The following ZNF600 variants were observed in gnomAD, a reference collection of about 807,000 sequenced individuals.
ZNF600 encodes zinc finger protein KR-ZNF1.
Under a neutral mutation model 7.3 loss-of-function variants are expected in ZNF600, and 4 were observed. That is an observed-to-expected ratio of 0.55 (90% CI 0.27 to 1.25). The LOEUF is 1.25. Among genes scored for constraint, ZNF600 ranks in the 50% most tolerant of loss-of-function variants. ZNF600 has a pLI of 0.12. For missense variants in ZNF600, 911 were observed against 922.1 expected (o/e 0.99, Z 0.16); for synonymous variants, 290 against 308.9 (o/e 0.94, Z 0.64).
chr19:52,787,728 T>C (rs983091892), upstream of ZNF600, among the ~76,000 whole-genome samples: 10 of 149,514 alleles, frequency 6.7e-5, no homozygotes, highest in South Asian at 2.1e-4. Flanking sequence ...AGCGTGGTGG[T>C]GGGTGCCTGT....
At chr19:52,808,078 C>G in the ZNF600 span, 16 of 1,613,508 alleles carry the variant, frequency 9.9e-6, no homozygotes, top group South Asian at 1.8e-4. Context: ...AGGGTCCAGG[C>G]ATTTCCACTC....
At chr19:52,825,051 C>T in the ZNF600 span, among the ~76,000 whole-genome samples, 2 of 152,026 alleles carry the variant, frequency 1.3e-5, no homozygotes, top group Non-Finnish European at 2.9e-5. Flanking sequence ...GCACATGGTG[C>T]TCTCTCATGT....
At chr19:52,765,125 CTA>C (rs1453222170) in exon 4 of ZNF600, 3 of 402,942 alleles carry the variant, frequency 7.4e-6, no homozygotes, top group Non-Finnish European at 1.5e-5. Flanking sequence ...TGGACTGACT[CTA>C]GTGTCAATTA....
chr19:52,793,134 G>A, the ZNF600 span, among the ~76,000 whole-genome samples: 3 of 152,026 alleles, frequency 2.0e-5, no homozygotes, highest in Non-Finnish European at 2.9e-5. Flanking sequence ...TGTAATGTAC[G>A]CCTTGATGGT....
At chr19:52,786,902 G>A (rs1424712940), upstream of ZNF600, 1 of 176,200 alleles carries the variant, frequency 5.7e-6, no homozygotes, top group Non-Finnish European at 1.3e-5. Flanking sequence ...GGCGGGACCT[G>A]TGCTTCTCAG....
the ZNF600 span, among the ~76,000 whole-genome samples, chr19:52,796,647 T>C: frequency 6.6e-6 from 1 of 152,174 alleles, no homozygotes; most frequent in Admixed American, 6.5e-5. Flanking sequence ...TTGTATTTTT[T>C]GTGGAGACAG....
At chr19:52,789,813 T>G (rs992122130), upstream of ZNF600, among the ~76,000 whole-genome samples, 4 of 152,186 alleles carry the variant, frequency 2.6e-5, no homozygotes, top group African/African-American at 9.7e-5. Flanking sequence ...CAGCCTTTGT[T>G]TGAGCAACAT....
the ZNF600 span, among the ~76,000 whole-genome samples, chr19:52,819,156 C>G: frequency 7.2e-6 from 1 of 138,484 alleles, no homozygotes; most frequent in African/African-American, 2.8e-5. Context: ...CAGAGGGAGT[C>G]AGATGAGGGT....
the ZNF600 span, among the ~76,000 whole-genome samples, chr19:52,803,233 T>C: frequency 4.6e-5 from 7 of 152,062 alleles, no homozygotes; most frequent in Non-Finnish European, 1.0e-4. Context: ...CATGCCACTG[T>C]GCCCGGCTAA....
At chr19:52,811,502 G>A in the ZNF600 span, among the ~76,000 whole-genome samples, 21 of 149,116 alleles carry the variant, frequency 1.4e-4, no homozygotes, top group African/African-American at 4.8e-4. Context: ...TCTCTGCCCG[G>A]CCGCCCATCG....
At chr19:52,773,526 C>G (rs1233508857) in intron 3 of ZNF600, among the ~76,000 whole-genome samples, 1 of 151,880 alleles carries the variant, frequency 6.6e-6, no homozygotes, top group Non-Finnish European at 1.5e-5. Flanking sequence ...ATGTAGGAGA[C>G]CATGGGGTTG....
the ZNF600 span, among the ~76,000 whole-genome samples, chr19:52,819,114 T>C: frequency 7.2e-6 from 1 of 139,128 alleles, no homozygotes; most frequent in Non-Finnish European, 1.5e-5. Context: ...ATTTTGATGT[T>C]TGAAAAAAGA....
chr19:52,775,195 G>A (rs1403208299), intron 2 of ZNF600, among the ~76,000 whole-genome samples: 2 of 151,914 alleles, frequency 1.3e-5, no homozygotes, highest in South Asian at 2.1e-4. Context: ...AGCCAAGATC[G>A]CACCACTGCA....
At chr19:52,813,044 A>G in the ZNF600 span, among the ~76,000 whole-genome samples, 2 of 151,868 alleles carry the variant, frequency 1.3e-5, no homozygotes, top group Non-Finnish European at 2.9e-5. Context: ...GTGAAAAGAG[A>G]ACAATGCAAC....
intron 1 of ZNF600, 98 bp from the exon 3 acceptor site, chr19:52,781,153 GCTT>G (rs1160190567): frequency 7.1e-6 from 1 of 140,800 alleles, no homozygotes; most frequent in African/African-American, 3.0e-5. Context: ...TTCATCTTGT[GCTT>G]CTTTTTTTTT....
rs774727252 is a variant in ZNF600 at position 52,766,828 on chromosome 19, C to G, written c.1135G>C (p.Val379Leu). ...TCAAGGGTTGATTTCCGACTGAAAACTTTGTCACATTCTTCACATTTGTAA... is the reference window on the plus strand; with the variant it reads ...TCAAGGGTTGATTTCCGACTGAAAAGTTTGTCACATTCTTCACATTTGTAA... Residue 379 changes from valine to leucine, a missense_variant, in exon 4 of 4, where the codon GTT (valine) becomes CTT (leucine). Transcript: ENST00000648973. The G allele has an allele frequency of 1.9e-6, 3 of 1,613,990 alleles. No homozygotes were observed. In the Admixed American group the frequency reaches 5.0e-5, roughly 27 times the overall value.
At chr19:52,801,430 G>A in the ZNF600 span, 1 of 1,614,204 alleles carries the variant, frequency 6.2e-7, no homozygotes, top group East Asian at 2.2e-5. Context: ...AATCCAAGCT[G>A]ATCTTTAATA....
the ZNF600 span, among the ~76,000 whole-genome samples, chr19:52,820,108 CTTTTTTT>C: frequency 8.3e-6 from 1 of 120,326 alleles, no homozygotes; most frequent in Non-Finnish European, 1.7e-5. Flanking sequence ...TATTTAACCT[CTTTTTTT>C]TTTTTTTTTT....
exon 4 of ZNF600, chr19:52,767,650 C>T (rs763160787): frequency 1.9e-5 from 31 of 1,613,918 alleles, no homozygotes; most frequent in Non-Finnish European, 2.6e-5. Context: ...TTCTCAATTT[C>T]CTGGAAGCAA....
Sources: allele counts gnomAD v4.1 joint callset (sites outside exome capture counted in the v4.1 genomes callset), GRCh38; gene constraint gnomAD v4.1.1; transcripts MANE v1.5; gene names NCBI Gene and HGNC (gene_info 2026-07-23, HGNC 2026-07-21).